The following IL18R1 variants were observed in gnomAD, a reference collection of about 807,000 sequenced individuals.
IL18R1 encodes the protein interleukin-18 receptor 1.
IL18R1 carries 40 observed loss-of-function variants against 48.5 expected under a neutral mutation model. The ratio of observed to expected loss-of-function variants is 0.82; its 90% CI spans 0.64 to 1.07. IL18R1 has a LOEUF of 1.07. Ranked by LOEUF, IL18R1 falls within the 50% of genes least tolerant of loss-of-function variation. The probability of loss-of-function intolerance (pLI) is 0.00; values close to 1 mark genes in which losing one functional copy is unlikely to be tolerated. For missense variants in IL18R1, 596 were observed against 633.7 expected, an observed-to-expected ratio of 0.94 and a Z score of 0.64; for synonymous variants, 232 against 225.9, an observed-to-expected ratio of 1.03 and a Z score of -0.24.
At chr2:102,381,745 C>A (rs748606710) in intron 6 of IL18R1, 63 bp downstream of exon 6, 2 of 1,032,754 alleles carry the variant, frequency 1.9e-6, no homozygotes, top group East Asian at 2.4e-5. Context: ...GCCTTCCAAG[C>A]GTAAATATGA....
Position 102,394,594 on chromosome 2 carries a change from T to C in IL18R1, c.1237T>C (p.Cys413Arg). Residue 413 changes from cysteine to arginine, a missense_variant, in exon 10 of 11, where the codon TGC becomes CGC. Cys to Arg is a radical substitution (Grantham distance 180). Coordinates refer to ENST00000233957, the MANE Select transcript of IL18R1 (RefSeq NM_003855.5). ...VLEKHFGYKL[C>R]IFERDVVPGG... is the part of the protein sequence containing the mutation. ...GGAGAAACATTTTGGGTATAAGTTA[T>C]GCATATTTGAAAGGGATGTAGTGCC... is the stretch of plus-strand genomic sequence containing the variant. The C allele has an allele frequency of 3.1e-6, 5 of 1,612,712 alleles. No individual in the cohort carries two copies. The highest frequency in any genetic ancestry group is 4.2e-6 in the Non-Finnish European group (5 of 1,178,974).
At chr2:102,389,304 A>G (rs1452935193) in intron 8 of IL18R1, among the ~76,000 whole-genome samples, 1 of 152,236 alleles carries the variant, frequency 6.6e-6, no homozygotes, top group East Asian at 1.9e-4. Context: ...GAAATATTCT[A>G]TCATGTTAAC....
chr2:102,390,254 T>A, intron 9 of IL18R1, 37 bp downstream of exon 9: 1 of 1,570,228 alleles, frequency 6.4e-7, no homozygotes, highest in Non-Finnish European at 8.8e-7. Flanking sequence ...TACCTTATGT[T>A]CTCATTAAGA....
At chr2:102,361,467 A>T (rs546629738) in intron 1 of IL18R1, among the ~76,000 whole-genome samples, 2 of 152,314 alleles carry the variant, frequency 1.3e-5, no homozygotes, top group African/African-American at 4.8e-5. Context: ...TGTTTTTAGG[A>T]TGGAAGATGA....
chr2:102,357,763 G>A (rs1360547780), intron 1 of IL18R1, among the ~76,000 whole-genome samples: 1 of 152,138 alleles, frequency 6.6e-6, no homozygotes, highest in Non-Finnish European at 1.5e-5. Flanking sequence ...TTGGGGGGAA[G>A]CATAAGGCTA....
rs770716680 is a variant in IL18R1 at position 102,372,112 on chromosome 2, G to T, written c.462G>T (p.Leu154Phe). 6.3e-7 allele frequency: 1 copy of T among 1,584,284 alleles called. No individual in the cohort carries two copies. The highest frequency in any genetic ancestry group is 8.5e-7 in the Non-Finnish European group (1 of 1,171,134). The change falls in exon 4 of 11, where the codon TTG becomes TTT. Residue 154 changes from leucine to phenylalanine, a missense_variant. Leu to Phe is a conservative substitution (Grantham distance 22, BLOSUM62 0). This residue lies in a region of IL18R1 where 360 missense variants were observed against 339.4 expected (regional missense o/e 1.06). Transcript: ENST00000233957. ...AAACACTGGTCAACAGCACATCATTGTATAAGGTAATGCTTTTATAATATT... is the reference window on the plus strand; with the variant it reads ...AAACACTGGTCAACAGCACATCATTTTATAAGGTAATGCTTTTATAATATT... ...YYQTLVNSTS[L>F]YKNCKKLLLE...
chr2:102,397,210 T>C lies in IL18R1; in HGVS notation c.*324T>C, dbSNP rs1421792410. The stretch of plus-strand genomic sequence containing the variant: ...GCTGGACGTGATGCAAAATAACCGA[T>C]GCCCTACAAAAAGGGCGCATCTTTA... On this transcript the variant is annotated 3_prime_UTR_variant, in exon 11 of 11. Transcript: ENST00000233957. 1 of 236,204 alleles carries C rather than the reference T, an allele frequency of 4.2e-6. No individual in the cohort carries two copies. Among genetic ancestry groups the C allele is most frequent in the Admixed American group, 5.3e-5 (1 of 18,884 alleles). 14.6% of individuals were successfully genotyped at this position (236,204 alleles called of 1,614,324 possible).
intron 1 of IL18R1, among the ~76,000 whole-genome samples, chr2:102,361,467 A>G (rs546629738): frequency 6.6e-6 from 1 of 152,196 alleles, no homozygotes; most frequent in Non-Finnish European, 1.5e-5. Context: ...TGTTTTTAGG[A>G]TGGAAGATGA....
chr2:102,391,689 A>C (rs1253068074), intron 9 of IL18R1, among the ~76,000 whole-genome samples: 1 of 152,236 alleles, frequency 6.6e-6, no homozygotes, highest in East Asian at 1.9e-4. Context: ...ACTGCCTTCA[A>C]AAGATGACAG....
chr2:102,387,145 T>A (rs1248809808), intron 8 of IL18R1, 145 bp downstream of exon 8: 2 of 799,562 alleles, frequency 2.5e-6, no homozygotes. Flanking sequence ...AGGCATTCAG[T>A]GGGGCCCCTC....
chr2:102,365,816 C>G (rs13006323), intron 2 of IL18R1, among the ~76,000 whole-genome samples: 14,625 of 152,256 alleles, frequency 0.096, 769 homozygotes, highest in Middle Eastern at 0.31. Flanking sequence ...CATGTGGAAG[C>G]TGCCAAGGTT....
chr2:102,367,871 T>G lies in IL18R1; in HGVS notation c.105T>G (p.Pro35=). The part of the protein sequence containing the change: ...RPHITVVEGE[P]FYLKHCSCSL... ...ACATTACTGTGGTTGAAGGGGAACC[T>G]TTCTATCTGAAACATTGCTCGTGTT... is the stretch of plus-strand genomic sequence containing the variant. Residue 35 remains proline (P), a synonymous_variant, in exon 3 of 11, where the codon CCT becomes CCG. Transcript: ENST00000233957. The G allele has an allele frequency of 6.2e-7, 1 of 1,614,014 alleles. No individual in the cohort carries two copies. The highest frequency in any genetic ancestry group is 8.5e-7 in the Non-Finnish European group (1 of 1,179,874).
At chr2:102,386,831 C>T (rs758538136) in intron 7 of IL18R1, 30 bp from the exon 8 acceptor site, 1 of 1,612,136 alleles carries the variant, frequency 6.2e-7, no homozygotes, top group Admixed American at 1.7e-5. Context: ...CGAACAGAGC[C>T]TACTGCTAAA....
At chr2:102,382,154 T>G (rs11465638) in intron 6 of IL18R1, among the ~76,000 whole-genome samples, 1,833 of 152,142 alleles carry the variant, frequency 0.012, 44 homozygotes, top group Non-Finnish European at 0.013. Flanking sequence ...GCACCTGTAG[T>G]CCCAGCTACT....
chr2:102,381,793 T>A (rs1186549198), intron 6 of IL18R1, 111 bp downstream of exon 6: 1 of 742,144 alleles, frequency 1.3e-6, no homozygotes, highest in African/African-American at 1.8e-5. Context: ...ATTTCATATT[T>A]ACTGAATAAC....
intron 2 of IL18R1, among the ~76,000 whole-genome samples, chr2:102,367,584 T>A (rs951934464): frequency 2.6e-5 from 4 of 152,204 alleles, no homozygotes; most frequent in African/African-American, 9.7e-5. Context: ...TCTGATACCT[T>A]CCTGTTGGGG....
intron 10 of IL18R1, among the ~76,000 whole-genome samples, chr2:102,396,187 G>A (rs1680814845): frequency 6.6e-6 from 1 of 151,980 alleles, no homozygotes; most frequent in Admixed American, 6.5e-5. Context: ...TGTGACTCTG[G>A]GCAGGTTACT....
Position 102,396,827 on chromosome 2 carries a change from A to G in IL18R1, c.1567A>G (p.Lys523Glu). 1.2e-6 allele frequency: 2 copies of G among 1,612,028 alleles called. No individual in the cohort carries two copies. The highest frequency in any genetic ancestry group is 8.5e-7 in the Non-Finnish European group (1 of 1,179,468). ...WKNLLYLMPA[K>E]TVKPGRDEPE... ...GAACCTTCTTTACTTAATGCCTGCA[A>G]AAACAGTCAAGCCAGGTAGAGACGA... The change falls in exon 11 of 11, where the codon AAA becomes GAA. Residue 523 changes from lysine to glutamate, a missense_variant. Physicochemically the swap from Lys to Glu is moderately conservative, Grantham distance 56. Around this residue, in one of 3 missense-constraint regions of IL18R1, gnomAD observed 179 missense variants for 206.1 expected, o/e 0.87. Transcript: ENST00000233957.
intron 1 of IL18R1, among the ~76,000 whole-genome samples, chr2:102,357,524 T>A (rs1406507405): frequency 6.8e-6 from 1 of 148,098 alleles, no homozygotes; most frequent in African/African-American, 2.5e-5. Flanking sequence ...AAAGGCAGGG[T>A]CCCTGCCTTC....
Sources: allele counts gnomAD v4.1 joint callset (sites outside exome capture counted in the v4.1 genomes callset), GRCh38; gene constraint gnomAD v4.1.1; regional missense constraint gnomAD v4.1.1; transcripts MANE v1.5; gene names NCBI Gene and HGNC (gene_info 2026-07-23, HGNC 2026-07-21).